Variants in DPEP1 observed in about 807,000 individuals in gnomAD.
The protein encoded by DPEP1 is dipeptidase 1, also known as beta-lactamase.
In DPEP1, 50 loss-of-function variants were observed where a neutral mutation model predicts 42.3. That is an observed-to-expected ratio of 1.18 (90% CI 0.94 to 1.50). The LOEUF (loss-of-function observed/expected upper bound fraction) is 1.50. Among genes scored for constraint, DPEP1 ranks in the 40% most tolerant of loss-of-function variants. DPEP1 has a pLI of 0.00. For synonymous variants in DPEP1, 297 were observed against 234.0 expected, an observed-to-expected ratio of 1.27 and a Z score of -2.46; for missense variants, 663 against 553.0, an observed-to-expected ratio of 1.20 and a Z score of -1.99.
chr16:89,628,013 C>G (rs1327175220), intron 1 of DPEP1, among the ~76,000 whole-genome samples: 1 of 152,084 alleles, frequency 6.6e-6, no homozygotes, highest in Non-Finnish European at 1.5e-5. Flanking sequence ...AGCTCTGCCT[C>G]CCGGGTTCAT....
At chr16:89,624,644 C>T (rs1051959411) in intron 1 of DPEP1, among the ~76,000 whole-genome samples, 1 of 151,974 alleles carries the variant, frequency 6.6e-6, no homozygotes. Flanking sequence ...AAGCGATTCT[C>T]CAGCCTCAGC....
chr16:89,632,203 C>T (rs538962734), intron 2 of DPEP1, among the ~76,000 whole-genome samples: 5 of 152,152 alleles, frequency 3.3e-5, no homozygotes, highest in South Asian at 2.1e-4. Flanking sequence ...GCGCCCGCCA[C>T]CAAGCCCGGC....
chr16:89,619,820 CTCTCTGCAGCCCCCTGCGT>C (rs2059426795), intron 1 of DPEP1, among the ~76,000 whole-genome samples: 1 of 20,818 alleles, frequency 4.8e-5, no homozygotes, highest in Admixed American at 5.5e-4. Context: ...CCCCACTCCC[CTCTCTGCAGCCCCCTGCGT>C]CCCCTCCCCT....
intron 1 of DPEP1, among the ~76,000 whole-genome samples, chr16:89,621,174 A>T (rs950256992): frequency 6.6e-6 from 1 of 151,758 alleles, no homozygotes; most frequent in Non-Finnish European, 1.5e-5. Flanking sequence ...CCCTGACCTC[A>T]TGGGAGCTGG....
chr16:89,635,808 G>T, intron 2 of DPEP1, 100 bp from the exon 3 acceptor site: 1 of 1,439,692 alleles, frequency 6.9e-7, no homozygotes, highest in Admixed American at 2.6e-5. Context: ...CTGTCGTGAG[G>T]AGTAGGAAGT....
intron 1 of DPEP1, among the ~76,000 whole-genome samples, chr16:89,620,397 A>C (rs944952696): frequency 6.6e-6 from 1 of 151,932 alleles, no homozygotes; most frequent in Non-Finnish European, 1.5e-5. Flanking sequence ...GCTGCCACCT[A>C]AGGCAGATAC....
At chr16:89,632,339 C>T (rs976403369) in intron 2 of DPEP1, among the ~76,000 whole-genome samples, 11 of 152,190 alleles carry the variant, frequency 7.2e-5, no homozygotes, top group African/African-American at 2.7e-4. Flanking sequence ...AGGCGTGAGC[C>T]ACCGCGCCCG....
At chr16:89,617,354 C>T (rs1474050705) in intron 1 of DPEP1, among the ~76,000 whole-genome samples, 1 of 152,152 alleles carries the variant, frequency 6.6e-6, no homozygotes, top group East Asian at 1.9e-4. Flanking sequence ...GCTCCTGCCT[C>T]ACGAGGCCAC....
At chr16:89,615,388 C>G (rs1015040750) in intron 1 of DPEP1, among the ~76,000 whole-genome samples, 4 of 152,192 alleles carry the variant, frequency 2.6e-5, no homozygotes, top group Non-Finnish European at 5.9e-5. Flanking sequence ...ACACGCAGCT[C>G]TGGAGTCTCT....
chr16:89,617,046 T>A, intron 1 of DPEP1: 1 of 210,492 alleles, frequency 4.8e-6, no homozygotes, highest in Non-Finnish European at 9.8e-6. Context: ...AGGGGTGGGG[T>A]GATGGGACTG....
chr16:89,629,819 A>G (rs1041921921), intron 1 of DPEP1, among the ~76,000 whole-genome samples: 1 of 152,182 alleles, frequency 6.6e-6, no homozygotes, highest in Non-Finnish European at 1.5e-5. Context: ...CGGACCCCTC[A>G]GCAACAGGGC....
At chr16:89,635,794 G>A in intron 2 of DPEP1, 114 bp from the exon 3 acceptor site, 1 of 1,389,056 alleles carries the variant, frequency 7.2e-7, no homozygotes, top group East Asian at 2.5e-5. Flanking sequence ...CTTCAGTCCT[G>A]CGTCTGTCGT....
At chr16:89,623,938 G>C (rs899157864) in intron 1 of DPEP1, among the ~76,000 whole-genome samples, 6 of 152,160 alleles carry the variant, frequency 3.9e-5, no homozygotes, top group Non-Finnish European at 7.3e-5. Flanking sequence ...CGAGGAAAGA[G>C]GCAGCTCCAG....
intron 1 of DPEP1, among the ~76,000 whole-genome samples, chr16:89,614,173 G>A (rs955686342): frequency 2.6e-5 from 4 of 152,108 alleles, no homozygotes; most frequent in East Asian, 1.9e-4. Context: ...ACCCGCCGCT[G>A]TCCTCCCACT....
intron 1 of DPEP1, among the ~76,000 whole-genome samples, chr16:89,619,842 C>G (rs1381794518): frequency 5.3e-5 from 1 of 18,874 alleles, no homozygotes; most frequent in Non-Finnish European, 1.2e-4. Flanking sequence ...CCCTGCGTCC[C>G]CTCCCCTCTC....
At position 89,638,240 on chromosome 16, in the gene DPEP1, T is replaced by C; in HGVS notation, c.*18T>C. On this transcript the variant is annotated 3_prime_UTR_variant, in exon 11 of 11. Coordinates refer to ENST00000690203, the MANE Select transcript of DPEP1 (RefSeq NM_001389466.1). ...TCCTGTGAAACCTGGGAGACCAGAG[T>C]CCCCTTTAGGGTTCCCGGAGCTCCG... is the stretch of plus-strand genomic sequence containing the variant. 2.6e-6 allele frequency: 4 copies of C among 1,522,178 alleles called. No homozygotes were observed. The highest frequency in any genetic ancestry group is 3.5e-6 in the Non-Finnish European group (4 of 1,130,780). 94.3% of individuals were successfully genotyped at this position (1,522,178 alleles called of 1,614,324 possible).
chr16:89,639,003 A>G (rs1597779300), downstream of DPEP1, among the ~76,000 whole-genome samples: 1 of 55,012 alleles, frequency 1.8e-5, no homozygotes, highest in Admixed American at 2.2e-4. Context: ...CTGCACACAC[A>G]CACACACCGC....
chr16:89,632,124 G>A (rs146571760), intron 2 of DPEP1, among the ~76,000 whole-genome samples: 3,748 of 152,134 alleles, frequency 0.025, 133 homozygotes, highest in African/African-American at 0.086. Flanking sequence ...ATCTCAGCTC[G>A]CTGCAACCTC....
At chr16:89,621,891 C>T (rs533925335) in intron 1 of DPEP1, among the ~76,000 whole-genome samples, 2 of 152,290 alleles carry the variant, frequency 1.3e-5, no homozygotes, top group African/African-American at 4.8e-5. Context: ...GGTAGGTCCG[C>T]ATTGCCTGTG....
Sources: allele counts gnomAD v4.1 joint callset (sites outside exome capture counted in the v4.1 genomes callset), GRCh38; gene constraint gnomAD v4.1.1; transcripts MANE v1.5; gene names NCBI Gene and HGNC (gene_info 2026-07-23, HGNC 2026-07-21).